The following SHROOM2 variants were observed in gnomAD, a reference collection of about 807,000 sequenced individuals.
SHROOM2 encodes shroom family member 2.
A neutral mutation model predicts 75.9 loss-of-function variants in SHROOM2; 33 were observed. The observed-to-expected ratio is 0.43, with a 90% CI of 0.33 to 0.58. SHROOM2 has a LOEUF of 0.58. Ranked by LOEUF, SHROOM2 falls within the 20% of genes least tolerant of loss-of-function variation. The pLI is 0.04. For synonymous variants in SHROOM2, 655 were observed against 663.6 expected (o/e 0.99, Z 0.20); for missense variants, 1,434 against 1,461.2 (o/e 0.98, Z 0.30).
intron 5 of SHROOM2, among the ~76,000 whole-genome samples, chrX:9,914,230 T>C (rs1476741122): frequency 3.7e-5 from 4 of 108,628 alleles, no homozygotes; most frequent in Non-Finnish European, 5.7e-5. Flanking sequence ...GTCAAGCATA[T>C]AGGCTGCGGA....
chrX:9,836,846 G>T (rs2083948674), intron 1 of SHROOM2, among the ~76,000 whole-genome samples: 1 of 111,716 alleles, frequency 9.0e-6, no homozygotes, highest in Admixed American at 9.5e-5. Flanking sequence ...ACCCCCAAAA[G>T]ATTCTTTTTA....
At chrX:9,850,479 G>A (rs1386836630) in intron 1 of SHROOM2, among the ~76,000 whole-genome samples, 10 of 111,089 alleles carry the variant, frequency 9.0e-5, no homozygotes, top group Non-Finnish European at 1.7e-4. Context: ...GTTGTACAGC[G>A]GGCCAGCATT....
intron 1 of SHROOM2, among the ~76,000 whole-genome samples, chrX:9,797,709 G>A (rs1056253194): frequency 8.9e-6 from 1 of 111,989 alleles, no homozygotes; most frequent in Non-Finnish European, 1.9e-5. Flanking sequence ...TCTCCTCCCC[G>A]GGGATGATTT....
Position 9,939,322 on chromosome X carries a change from G to A in SHROOM2, c.4267G>A (p.Glu1423Lys), listed in dbSNP as rs780733530. ...KDLQEQQEHEEDSGSDLDHDL... is the reference protein window; with the variant it reads ...KDLQEQQEHEKDSGSDLDHDL... ...CCTGCAGGAGCAGCAGGAGCACGAA[G>A]AGGATTCGGGAAGCGACTTGGACCA... The change falls in exon 8 of 10, where the codon GAG becomes AAG. Residue 1423 changes from glutamate (E) to lysine (K), a missense_variant. Glu to Lys is a moderately conservative substitution (Grantham distance 56). Coordinates refer to ENST00000380913, the MANE Select transcript of SHROOM2 (RefSeq NM_001649.4). 1.1e-5 allele frequency: 13 copies of A among 1,209,928 alleles called. No homozygotes were observed. Among genetic ancestry groups the A allele is most frequent in the Non-Finnish European group, 1.5e-5 (13 of 894,578 alleles).
chrX:9,893,951 C>CAA lies in SHROOM2; in HGVS notation c.450-392_450-391dup, dbSNP rs560179883. Among the ~76,000 whole-genome samples the CAA allele has an allele frequency of 1.7e-3, 133 of 78,577 alleles. 1 individual carries two copies. The highest frequency in any genetic ancestry group is 6.8e-3 in the Middle Eastern group (1 of 146). 68.2% of individuals were successfully genotyped at this position (78,577 alleles called of 115,157 possible). ...CCTAGGCGACAGAGTGAGACTGTCT[C>CAA]AAAAAAAAAAAAAAAACCAAAATCA... On this transcript the variant is annotated intron_variant, in intron 3 of 9. Transcript: ENST00000380913.
intron 8 of SHROOM2, among the ~76,000 whole-genome samples, chrX:9,942,588 G>T (rs747414833): frequency 8.9e-6 from 1 of 111,947 alleles, no homozygotes; most frequent in Non-Finnish European, 1.9e-5. Flanking sequence ...CTATGATAAA[G>T]AATGTTACAA....
chrX:9,807,052 G>T lies in SHROOM2; in HGVS notation c.165+20342G>T, dbSNP rs775694122. Among the ~76,000 whole-genome samples the T allele has an allele frequency of 1.1e-3, 120 of 111,427 alleles. 2 individuals carry two copies. Among genetic ancestry groups the T allele is most frequent in the Admixed American group, 4.5e-3 (47 of 10,473 alleles). ...CTTTAATCCTTTTTTATGGAGATGGGGTCTAGGGAAGGCCTGCCGGGCCCT... is the reference window on the plus strand; with the variant it reads ...CTTTAATCCTTTTTTATGGAGATGGTGTCTAGGGAAGGCCTGCCGGGCCCT... On this transcript the variant is annotated intron_variant, in intron 1 of 9. Transcript: ENST00000380913.
chrX:9,909,711 G>A (rs1045323079), intron 5 of SHROOM2, among the ~76,000 whole-genome samples: 4 of 112,329 alleles, frequency 3.6e-5, no homozygotes, highest in Admixed American at 9.4e-5. Context: ...GCAAAATGCC[G>A]GAACAGACCT....
At position 9,944,666 on chromosome X, in the gene SHROOM2, G is replaced by A. The variant is rs374474315; in HGVS notation, c.4337G>A (p.Arg1446His). 7 of 1,206,864 alleles carry A rather than the reference G, an allele frequency of 5.8e-6. No homozygotes were observed. The African/African-American group carries it at 7.0e-5, about 12-fold the overall frequency. Residue 1446 changes from arginine (R) to histidine (H), a missense_variant, in exon 9 of 10, where the codon CGC becomes CAC. Arg to His is a conservative substitution (Grantham distance 29, BLOSUM62 0). Coordinates refer to ENST00000380913, the MANE Select transcript of SHROOM2 (RefSeq NM_001649.4). Reference sequence around the variant, plus strand: ...CAGGAGCTCATCGAGAGCATCAGCCGCAAGCTGCAGGTGCTCCGGGAGGCC... The same window carrying A: ...CAGGAGCTCATCGAGAGCATCAGCCACAAGCTGCAGGTGCTCCGGGAGGCC... ...KKQELIESIS[R>H]KLQVLREARE...
intron 5 of SHROOM2, among the ~76,000 whole-genome samples, chrX:9,917,843 T>A (rs2084504975): frequency 8.9e-6 from 1 of 112,267 alleles, no homozygotes; most frequent in Admixed American, 9.5e-5. Flanking sequence ...TTACAGTCAC[T>A]GTTTTATGGA....
chrX:9,906,951 G>A (rs1204219874), intron 5 of SHROOM2, among the ~76,000 whole-genome samples: 1 of 111,767 alleles, frequency 8.9e-6, no homozygotes, highest in Non-Finnish European at 1.9e-5. Flanking sequence ...TAGCGCAAAA[G>A]CAGCCACACG....
chrX:9,864,585 G>A (rs1259196613), intron 1 of SHROOM2, among the ~76,000 whole-genome samples: 1 of 110,652 alleles, frequency 9.0e-6, no homozygotes, highest in Non-Finnish European at 1.9e-5. Flanking sequence ...TTGGGAGGCC[G>A]AGGCGGGCAG....
At chrX:9,889,549 T>C (rs1263803784) in intron 2 of SHROOM2, among the ~76,000 whole-genome samples, 1 of 111,715 alleles carries the variant, frequency 9.0e-6, no homozygotes, top group African/African-American at 3.3e-5. Context: ...GGAGGCCCTA[T>C]TGCATTACCG....
At chrX:9,853,175 A>C in intron 1 of SHROOM2, among the ~76,000 whole-genome samples, 1 of 111,402 alleles carries the variant, frequency 9.0e-6, no homozygotes, top group Non-Finnish European at 1.9e-5. Flanking sequence ...CATCCCGTGG[A>C]GGGGTTGGGT....
chrX:9,940,364 G>A (rs1316542565), intron 8 of SHROOM2, among the ~76,000 whole-genome samples: 2 of 111,930 alleles, frequency 1.8e-5, no homozygotes, highest in Non-Finnish European at 3.8e-5. Flanking sequence ...ATGATATAAT[G>A]AATTTCAGAA....
At chrX:9,807,633 A>AT (rs2083762059) in intron 1 of SHROOM2, among the ~76,000 whole-genome samples, 1 of 112,599 alleles carries the variant, frequency 8.9e-6, no homozygotes, top group South Asian at 3.6e-4. Context: ...CCGTAAAAAA[A>AT]GCTGTCCATG....
intron 1 of SHROOM2, among the ~76,000 whole-genome samples, chrX:9,793,041 A>AT (rs201489725): frequency 0.016 from 1,737 of 110,836 alleles, 40 homozygotes; most frequent in African/African-American, 0.052. Context: ...ATGAGGTTTT[A>AT]TTTTATCAAA....
At chrX:9,837,192 G>A (rs2146765214) in intron 1 of SHROOM2, among the ~76,000 whole-genome samples, 1 of 112,654 alleles carries the variant, frequency 8.9e-6, no homozygotes, top group East Asian at 2.8e-4. Context: ...CACACGGGAG[G>A]GGGTCTCGGC....
At chrX:9,935,671 C>T (rs1159844917) in intron 6 of SHROOM2, among the ~76,000 whole-genome samples, 3 of 111,401 alleles carry the variant, frequency 2.7e-5, no homozygotes, top group African/African-American at 9.8e-5. Flanking sequence ...AGCACCACTG[C>T]CTTGATAGGG....
Sources: allele counts gnomAD v4.1 joint callset (sites outside exome capture counted in the v4.1 genomes callset), GRCh38; gene constraint gnomAD v4.1.1; transcripts MANE v1.5; gene names NCBI Gene and HGNC (gene_info 2026-07-23, HGNC 2026-07-21).